The following FTO variants were observed in gnomAD, a reference collection of about 807,000 sequenced individuals.
The protein encoded by FTO is alpha-ketoglutarate-dependent dioxygenase FTO.
In FTO, 47 loss-of-function variants were observed where a neutral mutation model predicts 63.9. That is an observed-to-expected ratio of 0.74 (90% CI 0.58 to 0.94). The LOEUF is 0.94. Among genes scored for constraint, FTO ranks in the 40% least tolerant of loss-of-function variants. FTO has a pLI of 0.00. For synonymous variants in FTO, 207 were observed against 224.4 expected (o/e 0.92, Z 0.69); for missense variants, 562 against 618.1 (o/e 0.91, Z 0.96).
intron 8 of FTO, among the ~76,000 whole-genome samples, chr16:54,051,520 G>A (rs1229035301): frequency 1.3e-5 from 2 of 152,184 alleles, no homozygotes; most frequent in African/African-American, 4.8e-5. Context: ...TGGCACAGGT[G>A]ATAGGTAGTC....
At chr16:54,027,801 C>CA (rs1235495507) in intron 8 of FTO, among the ~76,000 whole-genome samples, 2 of 152,142 alleles carry the variant, frequency 1.3e-5, no homozygotes, top group Non-Finnish European at 2.9e-5. Flanking sequence ...GCTGAAAAGG[C>CA]AGAGAGTGTA....
chr16:53,857,680 CCTCTTGA>C (rs1442723535), intron 4 of FTO, among the ~76,000 whole-genome samples: 1 of 152,070 alleles, frequency 6.6e-6, no homozygotes, highest in Admixed American at 6.6e-5. Flanking sequence ...AAAGGGTATC[CCTCTTGA>C]CACTGTGCTG....
chr16:54,062,169 T>A (rs1472382724), intron 8 of FTO, among the ~76,000 whole-genome samples: 1 of 152,210 alleles, frequency 6.6e-6, no homozygotes, highest in East Asian at 1.9e-4. Flanking sequence ...TTTGAAGCAG[T>A]CAACTCGTGG....
intron 1 of FTO, among the ~76,000 whole-genome samples, chr16:53,727,284 G>C (rs376576547): frequency 6.6e-6 from 1 of 152,198 alleles, no homozygotes; most frequent in African/African-American, 2.4e-5. Context: ...GTTAGTTTAA[G>C]GGACTAGATG....
At chr16:54,054,403 T>C (rs1288570204) in intron 8 of FTO, 1 of 152,186 alleles carries the variant, frequency 6.6e-6, no homozygotes, top group East Asian at 1.9e-4. Context: ...GTGTGTGTGT[T>C]CACCACACTT....
Position 53,844,043 on chromosome 16 carries a change from AT to A in FTO, c.752-109del. ...ATGACATAAAGGGAAGATATATTTC[AT>A]TTAATATTCATATTTTATTAAAATA... On this transcript the variant is annotated intron_variant, in intron 3 of 8. Transcript: ENST00000471389. The A allele has an allele frequency of 3.7e-6, 3 of 811,534 alleles. No individual in the cohort carries two copies. In the East Asian group the frequency reaches 8.2e-5, roughly 22 times the overall value. The allele number at this position is 811,534 out of a possible 1,614,324, so 50.3% of individuals were successfully genotyped here. A position where few individuals can be genotyped will look rare whatever the true frequency, so the allele number is the denominator to read the frequency against.
intron 2 of FTO, among the ~76,000 whole-genome samples, chr16:53,824,172 GA>G (rs2078943317): frequency 6.6e-6 from 1 of 152,232 alleles, no homozygotes; most frequent in African/African-American, 2.4e-5. Context: ...AGTGCATCTA[GA>G]GTTAGCTTCA....
intron 4 of FTO, among the ~76,000 whole-genome samples, chr16:53,858,376 G>A (rs950575533): frequency 3.3e-5 from 5 of 152,228 alleles, no homozygotes; most frequent in African/African-American, 9.6e-5. Flanking sequence ...CAGGAAAGAG[G>A]TATTCATTCA....
chr16:53,803,779 G>A (rs1175696341), intron 1 of FTO, among the ~76,000 whole-genome samples: 2 of 151,966 alleles, frequency 1.3e-5, no homozygotes, highest in African/African-American at 4.8e-5. Context: ...ATGCAATTTT[G>A]TCATATTAAA....
At position 54,009,019 on chromosome 16, in the gene FTO, A is replaced by G. The variant is rs544411723; in HGVS notation, c.1364+74910A>G. 7.3e-5 allele frequency among the ~76,000 whole-genome samples: 11 copies of G among 149,862 alleles called. No individual in the cohort carries two copies. The East Asian group carries it at 2.0e-3, about 27-fold the overall frequency. On this transcript the variant is annotated intron_variant, in intron 8 of 8. Coordinates refer to ENST00000471389, the MANE Select transcript of FTO (RefSeq NM_001080432.3). ...AGAAAAAGACCCTGTCCCCCCCCCAAAAAAAAAGTCTAGCAACTTGAGTGT... is the reference window on the plus strand; with the variant it reads ...AGAAAAAGACCCTGTCCCCCCCCCAGAAAAAAAGTCTAGCAACTTGAGTGT...
intron 8 of FTO, among the ~76,000 whole-genome samples, chr16:53,965,069 A>AC (rs150762048): frequency 0.037 from 5,585 of 152,010 alleles, 120 homozygotes; most frequent in East Asian, 0.056. Context: ...GTAGTGATGA[A>AC]CCCCCCGCCC....
At chr16:54,053,919 G>C (rs1446332383) in intron 8 of FTO, among the ~76,000 whole-genome samples, 2 of 152,198 alleles carry the variant, frequency 1.3e-5, no homozygotes, top group East Asian at 3.9e-4. Context: ...CACCTGCCTT[G>C]AGACTGGTTT....
chr16:53,953,954 C>T (rs193090224), intron 8 of FTO, among the ~76,000 whole-genome samples: 11 of 152,318 alleles, frequency 7.2e-5, no homozygotes, highest in South Asian at 2.1e-4. Context: ...AAATACGCTT[C>T]GGAAGCTACT....
chr16:53,990,070 G>A (rs184734111), intron 8 of FTO, among the ~76,000 whole-genome samples: 125 of 152,170 alleles, frequency 8.2e-4, no homozygotes, highest in African/African-American at 2.9e-3. Flanking sequence ...TAAGGCTGCC[G>A]GTCAACAGCA....
intron 8 of FTO, among the ~76,000 whole-genome samples, chr16:53,966,880 G>C (rs1344502): frequency 2.6e-5 from 4 of 151,940 alleles, no homozygotes; most frequent in Non-Finnish European, 5.9e-5. Context: ...CCAGGAAAAC[G>C]TATGATACCA....
chr16:53,876,950 T>C (rs140837559), intron 5 of FTO, among the ~76,000 whole-genome samples: 2 of 152,208 alleles, frequency 1.3e-5, no homozygotes, highest in Non-Finnish European at 2.9e-5. Flanking sequence ...AAAGAAGGTA[T>C]ACAAATGGCC....
intron 3 of FTO, among the ~76,000 whole-genome samples, chr16:53,829,414 A>G (rs2079089130): frequency 6.6e-6 from 1 of 152,254 alleles, no homozygotes; most frequent in Non-Finnish European, 1.5e-5. Flanking sequence ...CAGACGGCAT[A>G]CAAAGCATGT....
At chr16:53,937,512 G>T (rs1172191186) in intron 8 of FTO, 1 of 368,374 alleles carries the variant, frequency 2.7e-6, no homozygotes, top group African/African-American at 2.1e-5. Flanking sequence ...AAGAGCAGCT[G>T]CAAGGACCGG....
At chr16:53,859,109 A>C (rs1443938838) in intron 4 of FTO, among the ~76,000 whole-genome samples, 1 of 152,222 alleles carries the variant, frequency 6.6e-6, no homozygotes, top group East Asian at 1.9e-4. Flanking sequence ...GAGAGAGGTT[A>C]GATTGACAGA....
Sources: gnomAD v4.1 joint callset for allele counts (sites outside exome capture counted in the v4.1 genomes callset) on GRCh38, gnomAD v4.1.1 for gene constraint, MANE v1.5 for transcripts, NCBI Gene and HGNC (gene_info 2026-07-23, HGNC 2026-07-21) for gene names.